Variants in LPIN1 observed in about 807,000 individuals in gnomAD.
LPIN1 encodes the protein lipin 1.
A neutral mutation model predicts 107.5 loss-of-function variants in LPIN1; 71 were observed. The ratio of observed to expected loss-of-function variants is 0.66; its 90% CI spans 0.55 to 0.80. The LOEUF is 0.80. Ranked by LOEUF, LPIN1 falls within the 30% of genes least tolerant of loss-of-function variation. LPIN1 has a pLI of 0.00. For synonymous variants in LPIN1, 445 were observed against 452.6 expected, an observed-to-expected ratio of 0.98 and a Z score of 0.21; for missense variants, 1,043 against 1,160.6, an observed-to-expected ratio of 0.90 and a Z score of 1.47.
chr2:11,692,861 A>T (rs535357088), intron 1 of LPIN1, among the ~76,000 whole-genome samples: 3 of 152,296 alleles, frequency 2.0e-5, no homozygotes, highest in Admixed American at 2.0e-4. Context: ...TCCCTTTGTT[A>T]AGCCCCATGA....
chr2:11,787,327 A>G (rs1341397279), intron 11 of LPIN1, among the ~76,000 whole-genome samples, 160 bp downstream of exon 11: 5 of 151,978 alleles, frequency 3.3e-5, no homozygotes, highest in East Asian at 1.9e-4. Context: ...TTCCATGCCA[A>G]TAGAATTGGC....
chr2:11,760,704 G>A (rs1669679596), intron 1 of LPIN1, among the ~76,000 whole-genome samples: 1 of 151,920 alleles, frequency 6.6e-6, no homozygotes, highest in Non-Finnish European at 1.5e-5. Flanking sequence ...GGGAGAGGGA[G>A]ACCATGGGGA....
At chr2:11,706,203 G>A (rs775376125) in intron 1 of LPIN1, among the ~76,000 whole-genome samples, 1 of 152,296 alleles carries the variant, frequency 6.6e-6, no homozygotes, top group African/African-American at 2.4e-5. Flanking sequence ...TGTGAAAATG[G>A]ACTAATATGG....
Position 11,763,894 on chromosome 2 carries a change from C to T in LPIN1, c.-9-1639C>T, listed in dbSNP as rs545604599. Among the ~76,000 whole-genome samples the T allele has an allele frequency of 2.0e-5, 3 of 151,518 alleles. No homozygotes were observed. In the East Asian group the frequency reaches 5.9e-4, roughly 30 times the overall value. ...CTCCAGCGCCAGCTCCTCTGATGCACCTTCTTTCCTTGATCATAACTCCCT... is the reference window on the plus strand; with the variant it reads ...CTCCAGCGCCAGCTCCTCTGATGCATCTTCTTTCCTTGATCATAACTCCCT... On this transcript the variant is annotated intron_variant, in intron 1 of 20. Coordinates refer to ENST00000674199, the MANE Select transcript of LPIN1 (RefSeq NM_001349206.2).
At chr2:11,696,025 C>T (rs1662554490) in intron 1 of LPIN1, among the ~76,000 whole-genome samples, 1 of 150,098 alleles carries the variant, frequency 6.7e-6, no homozygotes, top group African/African-American at 2.5e-5. Flanking sequence ...CATCCTATGG[C>T]TCTGACAGTT....
intron 1 of LPIN1, among the ~76,000 whole-genome samples, chr2:11,753,113 G>C (rs183896753): frequency 6.6e-6 from 1 of 152,108 alleles, no homozygotes; most frequent in African/African-American, 2.4e-5. Flanking sequence ...TGAGCAGGGT[G>C]GGGGTGTGCT....
At chr2:11,812,213 C>T (rs1336061119) in intron 17 of LPIN1, among the ~76,000 whole-genome samples, 5 of 152,194 alleles carry the variant, frequency 3.3e-5, no homozygotes, top group Non-Finnish European at 5.9e-5. Context: ...TTCACTCATT[C>T]AGCAAATATT....
chr2:11,695,009 A>T (rs1390087531), intron 1 of LPIN1, among the ~76,000 whole-genome samples: 1 of 152,150 alleles, frequency 6.6e-6, no homozygotes, highest in Non-Finnish European at 1.5e-5. Flanking sequence ...CCATGAAATA[A>T]ATACCTGAAA....
At chr2:11,763,666 G>A (rs908789518) in intron 1 of LPIN1, among the ~76,000 whole-genome samples, 4 of 151,924 alleles carry the variant, frequency 2.6e-5, no homozygotes, top group Non-Finnish European at 4.4e-5. Context: ...TCCAGAATCC[G>A]ATGGCTTCAC....
intron 1 of LPIN1, among the ~76,000 whole-genome samples, chr2:11,702,722 C>T (rs1042302467): frequency 1.3e-5 from 2 of 152,144 alleles, no homozygotes; most frequent in African/African-American, 4.8e-5. Context: ...CTTGCTCTGA[C>T]CTCAGGTCAC....
rs1000929232 is a variant in LPIN1 at position 11,771,399 on chromosome 2, TC to T, written c.321del (p.Ile108SerfsTer13). On this transcript the variant is annotated frameshift_variant, in exon 4 of 21. Transcript: ENST00000674199. LOFTEE classifies it high-confidence loss of function. This position sits in a 1 kb window ranked among gnomAD's most constrained non-coding sequence, Gnocchi z 4.8. ...AGTTATCCCTATGCACCTGGCCACC[TC>T]CCCCATCCTGTCAGAAGGAGCTTCG... ...QEVIPMHLAT[S>X]PILSEGASRM... is the part of the protein sequence containing the mutation. 6.2e-7 allele frequency: 1 copy of T among 1,613,998 alleles called. No homozygotes were observed. The highest frequency in any genetic ancestry group is 1.3e-5 in the African/African-American group (1 of 74,902).
At chr2:11,723,851 C>T (rs766932014), upstream of LPIN1, 2 of 152,176 alleles carry the variant, frequency 1.3e-5, no homozygotes, top group Non-Finnish European at 2.9e-5. Flanking sequence ...GTTGATTGGA[C>T]AATAATTCAA....
At chr2:11,792,202 G>A in intron 13 of LPIN1, 196 bp downstream of exon 13, 1 of 579,148 alleles carries the variant, frequency 1.7e-6, no homozygotes, top group Non-Finnish European at 3.2e-6. Context: ...GGAGCCAGCA[G>A]CATAGGTGTC....
intron 1 of LPIN1, among the ~76,000 whole-genome samples, chr2:11,731,273 T>G (rs1665180051): frequency 6.7e-6 from 1 of 149,870 alleles, no homozygotes. Context: ...TTCCCCTCCC[T>G]GTGTCCATGT....
intron 7 of LPIN1, 63 bp downstream of exon 7, chr2:11,779,708 A>G (rs1673252769): frequency 6.2e-7 from 1 of 1,603,920 alleles, no homozygotes; most frequent in Non-Finnish European, 8.5e-7. Context: ...ATTACATGGA[A>G]TTAGTATCAT....
At chr2:11,720,670 G>A (rs12470427), upstream of LPIN1, among the ~76,000 whole-genome samples, 25,960 of 151,952 alleles carry the variant, frequency 0.17, 2,809 homozygotes, top group Admixed American at 0.24. Context: ...AATGCAGTGC[G>A]GCTTAAGCTT....
chr2:11,823,668 A>C (rs1423367184), intron 20 of LPIN1, among the ~76,000 whole-genome samples: 1 of 152,256 alleles, frequency 6.6e-6, no homozygotes, highest in Non-Finnish European at 1.5e-5. Context: ...GATGGCTGGC[A>C]GTGGGCTGGG....
intron 1 of LPIN1, among the ~76,000 whole-genome samples, chr2:11,759,866 C>T (rs1299911005): frequency 2.7e-5 from 4 of 147,732 alleles, no homozygotes; most frequent in African/African-American, 2.5e-5. Flanking sequence ...GGGGCTGCCC[C>T]CCACCTCCCT....
chr2:11,747,281 C>CT (rs1667107585), intron 1 of LPIN1, among the ~76,000 whole-genome samples: 1 of 152,190 alleles, frequency 6.6e-6, no homozygotes, highest in Non-Finnish European at 1.5e-5. Context: ...TTCTTGCAGC[C>CT]TAGGAGGTGC....
Sources: gnomAD v4.1 joint callset for allele counts (sites outside exome capture counted in the v4.1 genomes callset) on GRCh38, gnomAD v4.1.1 for gene constraint, Gnocchi (gnomAD v3.1) non-coding constraint, MANE v1.5 for transcripts, NCBI Gene and HGNC (gene_info 2026-07-23, HGNC 2026-07-21) for gene names.